The following MKLN1 variants were observed in gnomAD, a reference collection of about 807,000 sequenced individuals.
MKLN1 encodes muskelin 1.
Under a neutral mutation model 99.0 loss-of-function variants are expected in MKLN1, and 18 were observed. The ratio of observed to expected loss-of-function variants is 0.18; its 90% CI spans 0.13 to 0.27. MKLN1 has a LOEUF of 0.27. Ranked by LOEUF, MKLN1 falls within the 10% of genes least tolerant of loss-of-function variation. The probability of loss-of-function intolerance (pLI) is 1.00; values close to 1 mark genes in which losing one functional copy is unlikely to be tolerated. For missense variants in MKLN1, 621 were observed against 875.9 expected (o/e 0.71, Z 3.67); for synonymous variants, 288 against 293.2 (o/e 0.98, Z 0.18).
chr7:131,326,622 G>C (rs1333197716), upstream of MKLN1, among the ~76,000 whole-genome samples: 1 of 152,220 alleles, frequency 6.6e-6, no homozygotes, highest in African/African-American at 2.4e-5. Context: ...TGGGATTACA[G>C]GTGTGAGCCA....
intron 9 of MKLN1, among the ~76,000 whole-genome samples, chr7:131,432,099 C>G (rs1482898182): frequency 6.6e-6 from 1 of 152,156 alleles, no homozygotes; most frequent in African/African-American, 2.4e-5. Context: ...TCATGTTTCC[C>G]TATCTGAATT....
intron 3 of MKLN1, among the ~76,000 whole-genome samples, chr7:131,228,162 C>G (rs1412968905): frequency 6.6e-6 from 1 of 152,200 alleles, no homozygotes; most frequent in Admixed American, 6.5e-5. Context: ...CTCCCAGGCT[C>G]AAGACATCCT....
intron 3 of MKLN1, among the ~76,000 whole-genome samples, chr7:131,249,238 C>T (rs1374571757): frequency 1.3e-5 from 2 of 152,218 alleles, no homozygotes; most frequent in East Asian, 3.9e-4. Context: ...TAAGGATCTC[C>T]CTGGTGACTA....
chr7:131,454,487 C>T (rs1291949631), intron 12 of MKLN1, among the ~76,000 whole-genome samples: 2 of 152,064 alleles, frequency 1.3e-5, no homozygotes, highest in African/African-American at 4.8e-5. Flanking sequence ...TTAATAGGGC[C>T]CCATCCAACA....
At chr7:131,468,247 A>G (rs1378741354) in intron 15 of MKLN1, among the ~76,000 whole-genome samples, 2 of 152,342 alleles carry the variant, frequency 1.3e-5, no homozygotes, top group Middle Eastern at 3.4e-3. Context: ...CTACTAATTC[A>G]GACAATAAAA....
chr7:131,417,804 G>A (rs542699960), intron 8 of MKLN1, among the ~76,000 whole-genome samples: 5 of 152,176 alleles, frequency 3.3e-5, no homozygotes, highest in African/African-American at 1.2e-4. Flanking sequence ...AAGACTAGAA[G>A]GACACATACC....
Position 131,496,435 on chromosome 7 carries a change from T to C in MKLN1, c.*8707T>C, listed in dbSNP as rs1474570843. 1.3e-5 allele frequency: 2 copies of C among 152,136 alleles called. No homozygotes were observed. The highest frequency in any genetic ancestry group is 4.8e-5 in the African/African-American group (2 of 41,378). The allele number at this position is 152,136 out of a possible 1,614,324, so 9.4% of individuals were successfully genotyped here. A position where few individuals can be genotyped will look rare whatever the true frequency, so the allele number is the denominator to read the frequency against. ...TCTTTTATCCAATCTGTATGGACTT[T>C]TTAGGATTTTTTTTTTCTTATAGTA... On this transcript the variant is annotated 3_prime_UTR_variant, in exon 18 of 18. Transcript: ENST00000352689.
chr7:131,193,234 C>T (rs1010457527), intron 2 of MKLN1, among the ~76,000 whole-genome samples: 5 of 152,008 alleles, frequency 3.3e-5, no homozygotes, highest in Admixed American at 6.6e-5. Context: ...TTATGTAAGG[C>T]GATCAGTTTG....
chr7:131,370,546 T>C (rs1800317733), intron 1 of MKLN1, among the ~76,000 whole-genome samples: 1 of 152,014 alleles, frequency 6.6e-6, no homozygotes, highest in Non-Finnish European at 1.5e-5. Context: ...TGTATACTCC[T>C]TGGGTAAAAT....
At chr7:131,196,729 C>T (rs1401941203) in intron 2 of MKLN1, among the ~76,000 whole-genome samples, 1 of 152,182 alleles carries the variant, frequency 6.6e-6, no homozygotes, top group African/African-American at 2.4e-5. Context: ...CTCTTCAGCT[C>T]TTCTCCTTCT....
At chr7:131,422,165 AG>A (rs1363586675) in intron 8 of MKLN1, among the ~76,000 whole-genome samples, 19 of 152,330 alleles carry the variant, frequency 1.2e-4, no homozygotes, top group Non-Finnish European at 1.5e-4. Flanking sequence ...TGTTGAAGTT[AG>A]GTGCAACATG....
intron 3 of MKLN1, among the ~76,000 whole-genome samples, chr7:131,303,735 G>A (rs1475330931): frequency 1.3e-5 from 2 of 152,084 alleles, no homozygotes; most frequent in Admixed American, 6.6e-5. Context: ...TTACTTGTGG[G>A]GCTGTTATGA....
intron 1 of MKLN1, among the ~76,000 whole-genome samples, chr7:131,112,511 G>A (rs973273040): frequency 6.6e-6 from 1 of 152,158 alleles, no homozygotes; most frequent in African/African-American, 2.4e-5. Context: ...GTGGTATTAT[G>A]GAAGCAACAG....
At position 131,487,666 on chromosome 7, in the gene MKLN1, A is replaced by C. The variant is rs750868754; in HGVS notation, c.2146A>C (p.Asn716His). The C allele has an allele frequency of 3.0e-5, 49 of 1,612,942 alleles. No homozygotes were observed. Among genetic ancestry groups the C allele is most frequent in the Non-Finnish European group, 4.0e-5 (47 of 1,179,374 alleles). ...QRTQLFDTLV[N>H]FFPDSMTPPK... ...AACTCAGCTCTTTGACACCTTAGTA[A>C]ATTTCTTTCCTGACAGCATGACTCC... The change falls in exon 18 of 18, where the codon AAT becomes CAT. Residue 716 changes from asparagine (N) to histidine (H), a missense_variant. This residue lies in a region of MKLN1 where 126 missense variants were observed against 157.4 expected (regional missense o/e 0.80). Transcript: ENST00000352689. The surrounding 1 kb of genome is among the most constrained non-coding windows in gnomAD (Gnocchi z 4.7).
rs1797503769 is a variant in MKLN1, at chr7:131,494,499, T to C, written c.*6771T>C. The C allele has an allele frequency of 6.6e-6, 1 of 151,200 alleles. No individual in the cohort carries two copies. Among genetic ancestry groups the C allele is most frequent in the South Asian group, 2.1e-4 (1 of 4,782 alleles). 9.4% of individuals were successfully genotyped at this position (151,200 alleles called of 1,614,324 possible). A position where few individuals can be genotyped will look rare whatever the true frequency, so the allele number is the denominator to read the frequency against. On this transcript the variant is annotated 3_prime_UTR_variant, in exon 18 of 18. Coordinates refer to ENST00000352689, the MANE Select transcript of MKLN1 (RefSeq NM_013255.5). The stretch of plus-strand genomic sequence containing the variant: ...ACTCACTCCCAAATTTAATAAGATA[T>C]CAAAGTCCAAAAGGTTACTTAGGAG...
chr7:131,397,178 A>G, intron 4 of MKLN1, 89 bp from the exon 5 acceptor site: 1 of 848,498 alleles, frequency 1.2e-6, no homozygotes, highest in Non-Finnish European at 1.9e-6. Flanking sequence ...ATGAATCCTT[A>G]TAAGGTTGAA....
intron 1 of MKLN1, among the ~76,000 whole-genome samples, chr7:131,117,877 G>C (rs1472061082): frequency 6.6e-6 from 1 of 152,206 alleles, no homozygotes; most frequent in Non-Finnish European, 1.5e-5. Flanking sequence ...TGTCATAGTT[G>C]ACTTCTCTCC....
At chr7:131,367,602 A>T (rs1584658446) in intron 1 of MKLN1, among the ~76,000 whole-genome samples, 2 of 152,126 alleles carry the variant, frequency 1.3e-5, no homozygotes, top group African/African-American at 4.8e-5. Context: ...GTCTCTCAAG[A>T]TACCCCTCCT....
intron 1 of MKLN1, among the ~76,000 whole-genome samples, chr7:131,136,401 C>T (rs1436685384): frequency 2.6e-5 from 4 of 152,138 alleles, no homozygotes; most frequent in Non-Finnish European, 5.9e-5. Context: ...ACCAAGTGGT[C>T]GCCTAGATTT....
Sources: allele counts gnomAD v4.1 joint callset (sites outside exome capture counted in the v4.1 genomes callset), GRCh38; gene constraint gnomAD v4.1.1; regional missense constraint gnomAD v4.1.1; non-coding constraint Gnocchi (gnomAD v3.1); transcripts MANE v1.5; gene names NCBI Gene and HGNC (gene_info 2026-07-23, HGNC 2026-07-21).